POLK: variants seen among roughly 807,000 people sequenced by gnomAD.
The protein encoded by POLK is polymerase (DNA directed) kappa.
In POLK, 76 loss-of-function variants were observed where a neutral mutation model predicts 94.0. The ratio of observed to expected loss-of-function variants is 0.81; its 90% CI spans 0.67 to 0.98. The LOEUF (loss-of-function observed/expected upper bound fraction) is 0.98, where lower values mean the gene tolerates loss of function less well. Ranked by LOEUF, POLK falls within the 50% of genes least tolerant of loss-of-function variation. The pLI is 0.00. For synonymous variants in POLK, 349 were observed against 325.4 expected, an observed-to-expected ratio of 1.07 and a Z score of -0.78; for missense variants, 954 against 1,010.1, an observed-to-expected ratio of 0.94 and a Z score of 0.75.
intron 1 of POLK, among the ~76,000 whole-genome samples, chr5:75,544,678 A>G (rs140834713): frequency 1.3e-5 from 2 of 152,236 alleles, no homozygotes; most frequent in Middle Eastern, 3.4e-3. Flanking sequence ...AATATGAATA[A>G]CAACAATGAC....
chr5:75,548,275 A>G (rs1335206123), intron 2 of POLK, among the ~76,000 whole-genome samples: 1 of 151,908 alleles, frequency 6.6e-6, no homozygotes, highest in Non-Finnish European at 1.5e-5. Context: ...AACTTTGATT[A>G]TATATTCTGT....
chr5:75,566,724 G>A lies in POLK; in HGVS notation c.256-2616G>A, dbSNP rs184771152. On this transcript the variant is annotated intron_variant, in intron 3 of 14. Transcript: ENST00000241436. ...CCACTTTCTAATCAGTCCCAGTGAG[G>A]TGAGCCGGGTACCTCAGTTGGAAAT... Among the ~76,000 whole-genome samples the A allele has an allele frequency of 1.6e-3, 251 of 152,264 alleles. 3 individuals carry two copies. Among genetic ancestry groups the A allele is most frequent in the African/African-American group, 5.7e-3 (238 of 41,558 alleles).
upstream of POLK, among the ~76,000 whole-genome samples, chr5:75,510,856 G>C (rs553999228): frequency 2.6e-5 from 4 of 152,218 alleles, no homozygotes; most frequent in South Asian, 2.1e-4. Context: ...CCCAAGTCAC[G>C]GCGCGCATCT....
intron 7 of POLK, 90 bp from the exon 8 acceptor site, chr5:75,583,203 C>T: frequency 1.1e-6 from 1 of 886,280 alleles, no homozygotes; most frequent in South Asian, 2.4e-5. Flanking sequence ...AGATTTTTTG[C>T]AATTAACTTT....
intron 1 of POLK, among the ~76,000 whole-genome samples, chr5:75,523,146 A>G (rs1768665086): frequency 6.6e-6 from 1 of 152,214 alleles, no homozygotes; most frequent in Non-Finnish European, 1.5e-5. Flanking sequence ...GCACATCATA[A>G]TATACTGCTA....
intron 11 of POLK, among the ~76,000 whole-genome samples, chr5:75,592,690 G>T (rs563091469): frequency 1.0e-3 from 152 of 146,244 alleles, no homozygotes; most frequent in Middle Eastern, 3.8e-3. Context: ...GTGAGACTCT[G>T]TCTAAAACAA....
intron 1 of POLK, chr5:75,534,969 G>C (rs1311849299): frequency 6.6e-6 from 1 of 152,208 alleles, no homozygotes; most frequent in Non-Finnish European, 1.5e-5. Flanking sequence ...TTCAAGGTTA[G>C]TATTGATGTG....
At position 75,546,734 on chromosome 5, in the gene POLK, C is replaced by T. The variant is rs186349456; in HGVS notation, c.-13-276C>T. On this transcript the variant is annotated intron_variant, in intron 1 of 14. Coordinates refer to ENST00000241436, the Ensembl canonical transcript of POLK. ...AGGCTGGAGTGCGGTAGCGCAATCT[C>T]GGCTCACTGCAACCTCTGCCTCCCG... Among the ~76,000 whole-genome samples the T allele has an allele frequency of 2.7e-3, 413 of 150,746 alleles. 1 individual carries two copies. The highest frequency in any genetic ancestry group is 4.6e-3 in the Non-Finnish European group (311 of 67,882).
intron 10 of POLK, among the ~76,000 whole-genome samples, chr5:75,589,378 TATACACACATACAC>T (rs1440250894): frequency 3.3e-4 from 34 of 103,044 alleles, no homozygotes; most frequent in African/African-American, 1.4e-3. Context: ...ATTTTATATA[TATACACACATACAC>T]ACACACACAC....
upstream of POLK, chr5:75,511,724 C>T: frequency 6.5e-7 from 1 of 1,548,242 alleles, no homozygotes; most frequent in Non-Finnish European, 8.7e-7. Flanking sequence ...TGACGCGACA[C>T]GCCGAGCCTT....
At chr5:75,515,915 T>A (rs561155701) in intron 1 of POLK, among the ~76,000 whole-genome samples, 2 of 152,198 alleles carry the variant, frequency 1.3e-5, no homozygotes, top group Admixed American at 1.3e-4. Context: ...AAATTTTTTT[T>A]AAGCCATTTT....
downstream of POLK, among the ~76,000 whole-genome samples, chr5:75,605,388 G>C (rs1315261229): frequency 6.6e-6 from 1 of 152,142 alleles, no homozygotes; most frequent in African/African-American, 2.4e-5. Flanking sequence ...TCTATGGAGA[G>C]AGTGAGAGAG....
chr5:75,577,663 A>ACC (rs959972221), intron 6 of POLK, among the ~76,000 whole-genome samples: 7 of 152,316 alleles, frequency 4.6e-5, no homozygotes, highest in Middle Eastern at 3.4e-3. Flanking sequence ...TTTCATGTGC[A>ACC]CCACTCATTG....
upstream of POLK, chr5:75,511,420 G>A (rs1350864626): frequency 2.5e-5 from 39 of 1,544,200 alleles, no homozygotes; most frequent in African/African-American, 4.1e-5. Context: ...AGCGGTGAAG[G>A]AAGCCTACCC....
At chr5:75,580,740 T>G (rs1489833343) in intron 6 of POLK, 1 of 154,250 alleles carries the variant, frequency 6.5e-6, no homozygotes, top group Non-Finnish European at 1.4e-5. Flanking sequence ...TGAAGAAAAG[T>G]TAAGTGTTTT....
At chr5:75,567,903 G>A (rs1771362963) in intron 3 of POLK, among the ~76,000 whole-genome samples, 1 of 152,146 alleles carries the variant, frequency 6.6e-6, no homozygotes, top group Admixed American at 6.5e-5. Flanking sequence ...AGATTTCACT[G>A]TACCTCCTGT....
intron 1 of POLK, among the ~76,000 whole-genome samples, chr5:75,521,300 T>TC (rs1169676471): frequency 1.6e-4 from 24 of 152,160 alleles, no homozygotes; most frequent in Non-Finnish European, 3.4e-4. Flanking sequence ...TTATTTTTTT[T>TC]CCTCATCTAT....
At chr5:75,526,800 C>T (rs192719016) in intron 1 of POLK, among the ~76,000 whole-genome samples, 111 of 152,074 alleles carry the variant, frequency 7.3e-4, no homozygotes, top group African/African-American at 2.6e-3. Flanking sequence ...AGGCTGGTCT[C>T]GAACTCCTGG....
At chr5:75,565,047 A>G (rs751683853) in intron 3 of POLK, among the ~76,000 whole-genome samples, 17 of 152,076 alleles carry the variant, frequency 1.1e-4, no homozygotes, top group Non-Finnish European at 2.2e-4. Context: ...CTTTTCACAT[A>G]GTCCCATATT....
Sources: allele counts gnomAD v4.1 joint callset (sites outside exome capture counted in the v4.1 genomes callset), GRCh38; gene constraint gnomAD v4.1.1; transcripts MANE v1.5; gene names NCBI Gene and HGNC (gene_info 2026-07-23, HGNC 2026-07-21).